Variants in P3H3 observed in about 807,000 individuals in gnomAD.
P3H3 encodes the protein gene rich cluster, B.
Under a neutral mutation model 78.1 loss-of-function variants are expected in P3H3, and 64 were observed. The ratio of observed to expected loss-of-function variants is 0.82; its 90% CI spans 0.67 to 1.01. The LOEUF is 1.01. Ranked by LOEUF, P3H3 falls within the 50% of genes least tolerant of loss-of-function variation. The pLI is 0.00. For synonymous variants in P3H3, 425 were observed against 416.7 expected (o/e 1.02, Z -0.24); for missense variants, 975 against 982.2 (o/e 0.99, Z 0.10).
intron 13 of P3H3, among the ~76,000 whole-genome samples, chr12:6,838,317 A>G (rs782790301): frequency 1.3e-5 from 2 of 152,292 alleles, no homozygotes; most frequent in Non-Finnish European, 2.9e-5. Flanking sequence ...GATTTGGGGA[A>G]CTTGAAATAG....
At chr12:6,837,629 A>G in intron 11 of P3H3, 56 bp downstream of exon 11, 1 of 1,588,780 alleles carries the variant, frequency 6.3e-7, no homozygotes, top group Non-Finnish European at 8.6e-7. Context: ...CCCCCAGGAC[A>G]CTGCCCCCAA....
At position 6,836,235 on chromosome 12, in the gene P3H3, G is replaced by GAAAA. The variant is rs10654551; in HGVS notation, c.1459-739_1459-736dup. ...AGACCCCGTCTCAAAAACAAAAAAT[G>GAAAA]AAAAAAAAAAAAAACCCCAGGTTAG... is the stretch of plus-strand genomic sequence containing the variant. On this transcript the variant is annotated intron_variant, in intron 9 of 14. Transcript: ENST00000290510. Among the ~76,000 whole-genome samples the GAAAA allele has an allele frequency of 7.0e-5, 10 of 142,414 alleles. 1 individual carries two copies. The highest frequency in any genetic ancestry group is 1.1e-4 in the Non-Finnish European group (7 of 66,564). 93.4% of individuals were successfully genotyped at this position (142,414 alleles called of 152,430 possible). A position where few individuals can be genotyped will look rare whatever the true frequency, so the allele number is the denominator to read the frequency against.
At chr12:6,838,454 C>A (rs149686316) in intron 13 of P3H3, among the ~76,000 whole-genome samples, 3 of 151,962 alleles carry the variant, frequency 2.0e-5, no homozygotes, top group Non-Finnish European at 4.4e-5. Context: ...AATAATAGTA[C>A]GTATTTTAAA....
chr12:6,839,512 A>G lies in P3H3; in HGVS notation c.*51A>G, dbSNP rs1213115892. The G allele has an allele frequency of 7.2e-6, 11 of 1,534,644 alleles. No individual in the cohort carries two copies. Among genetic ancestry groups the G allele is most frequent in the Non-Finnish European group, 8.8e-6 (10 of 1,138,438 alleles). The stretch of plus-strand genomic sequence containing the variant: ...GTGGCCACTTGACTTGTGGAAGGCC[A>G]TCTTGATGCCAGGACACACAGGAAG... On this transcript the variant is annotated 3_prime_UTR_variant, in exon 15 of 15. Coordinates refer to ENST00000290510, the MANE Select transcript of P3H3 (RefSeq NM_014262.5).
chr12:6,831,946 C>T lies in P3H3; in HGVS notation c.1212+32C>T, dbSNP rs1033576349. On this transcript the variant is annotated intron_variant, in intron 6 of 14. Coordinates refer to ENST00000290510, the MANE Select transcript of P3H3 (RefSeq NM_014262.5). The surrounding 1 kb of genome is among the most constrained non-coding windows in gnomAD (Gnocchi z 4.6). ...CACTCCACTTCTGCCCATCTCACCCCTCCGCACTCCCAGGAGGGATGGCAC... is the reference window on the plus strand; with the variant it reads ...CACTCCACTTCTGCCCATCTCACCCTTCCGCACTCCCAGGAGGGATGGCAC... The T allele has an allele frequency of 8.7e-6, 11 of 1,267,912 alleles. No homozygotes were observed. The highest frequency in any genetic ancestry group is 4.4e-5 in the African/African-American group (3 of 67,884). 78.5% of individuals were successfully genotyped at this position (1,267,912 alleles called of 1,614,324 possible).
intron 10 of P3H3, 149 bp downstream of exon 10, chr12:6,837,235 G>A (rs1245981142): frequency 1.0e-6 from 1 of 1,001,630 alleles, no homozygotes. Flanking sequence ...GAAAAGGGAT[G>A]TTCTGAGAGC....
In P3H3 at chr12:6,831,919, G is replaced by A; in HGVS notation, c.1212+5G>A. The A allele has an allele frequency of 1.3e-6, 2 of 1,557,864 alleles. No individual in the cohort carries two copies. The highest frequency in any genetic ancestry group is 1.8e-6 in the Non-Finnish European group (2 of 1,133,226). ...GGGACCAGCTTCAAGGATCCTGTGA[G>A]TCACTCCACTTCTGCCCATCTCACC... On this transcript the variant is annotated splice_donor_5th_base_variant and intron_variant, in intron 6 of 14. Transcript: ENST00000290510. The surrounding 1 kb of genome is among the most constrained non-coding windows in gnomAD (Gnocchi z 4.6).
At position 6,839,509 on chromosome 12, in the gene P3H3, G is replaced by C; in HGVS notation, c.*48G>C. 4 of 1,536,054 alleles carry C rather than the reference G, an allele frequency of 2.6e-6. No individual in the cohort carries two copies. Among genetic ancestry groups the C allele is most frequent in the South Asian group, 2.4e-5 (2 of 83,362 alleles). ...GATGTGGCCACTTGACTTGTGGAAGGCCATCTTGATGCCAGGACACACAGG... is the reference window on the plus strand; with the variant it reads ...GATGTGGCCACTTGACTTGTGGAAGCCCATCTTGATGCCAGGACACACAGG... On this transcript the variant is annotated 3_prime_UTR_variant, in exon 15 of 15. Transcript: ENST00000290510.
Position 6,837,794 on chromosome 12 carries a change from C to T in P3H3, c.1774C>T (p.Pro592Ser). 4 of 1,613,458 alleles carry T rather than the reference C, an allele frequency of 2.5e-6. No individual in the cohort carries two copies. Among genetic ancestry groups the T allele is most frequent in the Non-Finnish European group, 3.4e-6 (4 of 1,179,710 alleles). Residue 592 changes from proline (P) to serine (S), a missense_variant, in exon 12 of 15, where the codon CCT (proline) becomes TCT (serine). Coordinates refer to ENST00000290510, the MANE Select transcript of P3H3 (RefSeq NM_014262.5). ...GCACGCAGACAACTGCGTCCTGGAC[C>T]CTGACACGGGAGAGTGCTGGCGGGA... ...PVHADNCVLD[P>S]DTGECWREPP...
chr12:6,834,506 C>T (rs782290447), intron 9 of P3H3, among the ~76,000 whole-genome samples: 2 of 152,334 alleles, frequency 1.3e-5, no homozygotes, highest in East Asian at 3.9e-4. Flanking sequence ...CACTGAGTAG[C>T]TGCTATACAC....
Position 6,837,426 on chromosome 12 carries a change from G to A in P3H3, c.1564G>A (p.Ala522Thr), listed in dbSNP as rs1555122325. Residue 522 changes from alanine (A) to threonine (T), a missense_variant, in exon 11 of 15, where the codon GCC (alanine) becomes ACC (threonine). Ala to Thr is a moderately conservative substitution (Grantham distance 58, BLOSUM62 0). Coordinates refer to ENST00000290510, the MANE Select transcript of P3H3 (RefSeq NM_014262.5). ...CCCTGCCTTTCACTGCCTGCAGCTG[G>A]CCCGGGCTGGGACAGTGGGCAGTCA... ...GLTVLKAAQLARAGTVGSQGA... is the reference protein window; with the variant it reads ...GLTVLKAAQLTRAGTVGSQGA... The A allele has an allele frequency of 6.2e-7, 1 of 1,609,952 alleles. No homozygotes were observed. Among genetic ancestry groups the A allele is most frequent in the Non-Finnish European group, 8.5e-7 (1 of 1,178,340 alleles).
rs782399110 is a variant in P3H3, at chr12:6,831,287, A to G, written c.1057A>G (p.Lys353Glu). ...LLFYPEDEAA[K>E]RALNQYQAQL... ...CTTCTACCCGGAGGATGAGGCTGCC[A>G]AGAGGGCTCTGAACCAGTACCAGGC... The change falls in exon 5 of 15, where the codon AAG becomes GAG. Residue 353 changes from lysine to glutamate, a missense_variant. Physicochemically the swap from Lys to Glu is moderately conservative, Grantham distance 56. Coordinates refer to ENST00000290510, the MANE Select transcript of P3H3 (RefSeq NM_014262.5). This position sits in a 1 kb window ranked among gnomAD's most constrained non-coding sequence, Gnocchi z 4.6. 8 of 1,613,780 alleles carry G rather than the reference A, an allele frequency of 5.0e-6. No homozygotes were observed. The highest frequency in any genetic ancestry group is 1.3e-5 in the African/African-American group (1 of 74,876).
At chr12:6,837,290 C>A in intron 10 of P3H3, 133 bp from the exon 11 acceptor site, 1 of 1,301,816 alleles carries the variant, frequency 7.7e-7, no homozygotes, top group Non-Finnish European at 1.0e-6. Flanking sequence ...GCAGTTTGGG[C>A]TGATGGACAG....
intron 6 of P3H3, among the ~76,000 whole-genome samples, chr12:6,832,860 C>T (rs1469678448): frequency 0.28 from 16 of 58 alleles, no homozygotes; most frequent in Non-Finnish European, 0.071. Flanking sequence ...CCTCGGACCC[C>T]CAAAGATGCT....
rs1239771505 is a variant in P3H3 at position 6,828,503 on chromosome 12, G to GC, written c.69dup (p.Gly24ArgfsTer20). On this transcript the variant is annotated frameshift_variant, in exon 1 of 15. Transcript: ENST00000290510. LOFTEE classifies it high-confidence loss of function. ...TGCTGCCTCCCCCGGGGTCCCCTGA[G>GC]CCCCCCGGCCTGACCCAGCTGTCCC... 15 of 1,344,046 alleles carry GC rather than the reference G, an allele frequency of 1.1e-5. No homozygotes were observed. Among genetic ancestry groups the GC allele is most frequent in the Middle Eastern group, 2.5e-4 (1 of 3,982 alleles). The allele number at this position is 1,344,046 out of a possible 1,614,324, so 83.3% of individuals were successfully genotyped here. A position where few individuals can be genotyped will look rare whatever the true frequency, so the allele number is the denominator to read the frequency against.
chr12:6,828,981 C>A, intron 1 of P3H3, 43 bp downstream of exon 1: 1 of 1,077,962 alleles, frequency 9.3e-7, no homozygotes, highest in Non-Finnish European at 1.2e-6. Flanking sequence ...CAGCCCTCAC[C>A]ACGACGCTGT....
Position 6,833,683 on chromosome 12 carries a change from C to A in P3H3, c.1265+39C>A, listed in dbSNP as rs376003482. 724 of 1,605,622 alleles carry A rather than the reference C, an allele frequency of 4.5e-4. 1 individual carries two copies. Among genetic ancestry groups the A allele is most frequent in the Non-Finnish European group, 5.6e-4 (651 of 1,172,500 alleles). ...CATGGTGGGAGGGGCTTGGCCCGAG[C>A]TGGGAGGCTGGGTCTGGACTGTCCT... On this transcript the variant is annotated intron_variant, in intron 7 of 14. Transcript: ENST00000290510.
rs782204970 is a variant in P3H3 at position 6,831,912 on chromosome 12, C to A, written c.1210C>A (p.Pro404Thr). The change falls in exon 6 of 15, where the codon CCT (proline) becomes ACT (threonine). Residue 404 changes from proline (P) to threonine (T), a missense_variant and splice_region_variant. By Grantham distance (38) the Pro-to-Thr change is conservative. Coordinates refer to ENST00000290510, the MANE Select transcript of P3H3 (RefSeq NM_014262.5). The surrounding 1 kb of genome is among the most constrained non-coding windows in gnomAD (Gnocchi z 4.6). ...GCACCTGGGGACCAGCTTCAAGGATCCTGTGAGTCACTCCACTTCTGCCCA... is the reference window on the plus strand; with the variant it reads ...GCACCTGGGGACCAGCTTCAAGGATACTGTGAGTCACTCCACTTCTGCCCA... ...MEHLGTSFKD[P>T]DPWTPAALIP... 1 of 1,577,056 alleles carries A rather than the reference C, an allele frequency of 6.3e-7. No individual in the cohort carries two copies. The highest frequency in any genetic ancestry group is 8.7e-7 in the Non-Finnish European group (1 of 1,149,728).
Position 6,829,141 on chromosome 12 carries a change from G to A in P3H3, c.498+203G>A. The A allele has an allele frequency of 2.5e-6, 1 of 397,234 alleles. No individual in the cohort carries two copies. Among genetic ancestry groups the A allele is most frequent in the Non-Finnish European group, 4.4e-6 (1 of 226,246 alleles). 24.6% of individuals were successfully genotyped at this position (397,234 alleles called of 1,614,324 possible). A position where few individuals can be genotyped will look rare whatever the true frequency, so the allele number is the denominator to read the frequency against. On this transcript the variant is annotated intron_variant, in intron 1 of 14. Transcript: ENST00000290510. The surrounding 1 kb of genome is among the most constrained non-coding windows in gnomAD (Gnocchi z 5.1). ...CAGAGGAGCAGCCGAGGGGGAGTGCGAGCAGAATGGGAATGGGGCGGGGAG... is the reference window on the plus strand; with the variant it reads ...CAGAGGAGCAGCCGAGGGGGAGTGCAAGCAGAATGGGAATGGGGCGGGGAG...
Sources: gnomAD v4.1 joint callset for allele counts (sites outside exome capture counted in the v4.1 genomes callset) on GRCh38, gnomAD v4.1.1 for gene constraint, Gnocchi (gnomAD v3.1) non-coding constraint, MANE v1.5 for transcripts, NCBI Gene and HGNC (gene_info 2026-07-23, HGNC 2026-07-21) for gene names.